The following LRRTM4 variants were observed in gnomAD, a reference collection of about 807,000 sequenced individuals.
The protein encoded by LRRTM4 is leucine rich repeat transmembrane neuronal 4.
In LRRTM4, 25 loss-of-function variants were observed where a neutral mutation model predicts 47.6. The observed-to-expected ratio is 0.53, with a 90% confidence interval of 0.38 to 0.73. LRRTM4 has a LOEUF of 0.73. Among genes scored for constraint, LRRTM4 ranks in the 30% least tolerant of loss-of-function variants. The probability of loss-of-function intolerance (pLI) is 0.00; values close to 1 mark genes in which losing one functional copy is unlikely to be tolerated. For missense variants in LRRTM4, 638 were observed against 713.4 expected, an observed-to-expected ratio of 0.89 and a Z score of 1.20; for synonymous variants, 311 against 269.5, an observed-to-expected ratio of 1.15 and a Z score of -1.51.
intron 3 of LRRTM4, among the ~76,000 whole-genome samples, chr2:77,055,336 T>C (rs1207298944): frequency 6.6e-6 from 1 of 152,228 alleles, no homozygotes; most frequent in Non-Finnish European, 1.5e-5. Flanking sequence ...TTGCTCTTTC[T>C]GGGCACACGT....
intron 3 of LRRTM4, among the ~76,000 whole-genome samples, chr2:77,375,684 G>A (rs75434913): frequency 0.059 from 8,906 of 151,584 alleles, 307 homozygotes; most frequent in African/African-American, 0.084. Context: ...GTGGAATCAC[G>A]CAGTATTTCT....
intron 3 of LRRTM4, among the ~76,000 whole-genome samples, chr2:76,778,774 G>C (rs1228119349): frequency 6.6e-6 from 1 of 150,478 alleles, no homozygotes; most frequent in Admixed American, 6.6e-5. Flanking sequence ...GTTCTGCTCT[G>C]AGTTTAGTTA....
chr2:76,904,906 T>C (rs1228064799), intron 3 of LRRTM4, among the ~76,000 whole-genome samples: 2 of 152,146 alleles, frequency 1.3e-5, no homozygotes, highest in African/African-American at 4.8e-5. Flanking sequence ...GATGGCCAAA[T>C]AGGAACAGCT....
chr2:77,452,056 C>T (rs1676274030), intron 3 of LRRTM4, among the ~76,000 whole-genome samples: 1 of 152,052 alleles, frequency 6.6e-6, no homozygotes, highest in South Asian at 2.1e-4. Flanking sequence ...GAACATGTAG[C>T]TTCTCCTTAT....
intron 3 of LRRTM4, among the ~76,000 whole-genome samples, chr2:77,024,745 T>G (rs1054972755): frequency 6.6e-6 from 1 of 152,120 alleles, no homozygotes; most frequent in Non-Finnish European, 1.5e-5. Context: ...ATAAAACACT[T>G]TCAAATTTAA....
chr2:76,782,409 T>TG (rs111895800), intron 3 of LRRTM4, among the ~76,000 whole-genome samples: 3 of 152,210 alleles, frequency 2.0e-5, no homozygotes, highest in African/African-American at 7.2e-5. Flanking sequence ...GTGCTTTCTT[T>TG]GGGGTCCCAT....
chr2:77,512,822 C>A (rs766745495), intron 3 of LRRTM4, among the ~76,000 whole-genome samples: 2 of 152,120 alleles, frequency 1.3e-5, no homozygotes, highest in Non-Finnish European at 2.9e-5. Flanking sequence ...ACAGACTTCT[C>A]AGCTGGGAGT....
intron 3 of LRRTM4, among the ~76,000 whole-genome samples, chr2:77,058,965 G>A (rs1352980546): frequency 6.6e-6 from 1 of 151,620 alleles, no homozygotes; most frequent in African/African-American, 2.4e-5. Context: ...TTTATTGAGT[G>A]AGTATTGAAA....
At chr2:77,115,271 C>T (rs1671358568) in intron 3 of LRRTM4, among the ~76,000 whole-genome samples, 1 of 152,172 alleles carries the variant, frequency 6.6e-6, no homozygotes, top group Non-Finnish European at 1.5e-5. Context: ...TTATGGTTAT[C>T]TTCCCTTGTT....
At chr2:76,966,118 C>T (rs1676015554) in intron 3 of LRRTM4, among the ~76,000 whole-genome samples, 1 of 151,502 alleles carries the variant, frequency 6.6e-6, no homozygotes, top group Admixed American at 6.6e-5. Context: ...GGCTATAATT[C>T]CCAAACCAAC....
chr2:77,015,324 C>CTTTA (rs373406597), intron 3 of LRRTM4, among the ~76,000 whole-genome samples: 20 of 151,986 alleles, frequency 1.3e-4, no homozygotes, highest in African/African-American at 3.4e-4. Flanking sequence ...GGAAGTTGTA[C>CTTTA]TTTATTTATT....
intron 3 of LRRTM4, among the ~76,000 whole-genome samples, chr2:77,051,493 A>G (rs2103773235): frequency 6.6e-6 from 1 of 152,282 alleles, no homozygotes; most frequent in Non-Finnish European, 1.5e-5. Flanking sequence ...AGCTTTTAGA[A>G]TCAAGAAAAA....
At chr2:76,790,455 C>T (rs1187253238) in intron 3 of LRRTM4, among the ~76,000 whole-genome samples, 2 of 152,150 alleles carry the variant, frequency 1.3e-5, no homozygotes, top group Non-Finnish European at 2.9e-5. Flanking sequence ...ACCTTTCTAG[C>T]AGTATGATCT....
intron 3 of LRRTM4, among the ~76,000 whole-genome samples, chr2:77,359,013 C>G (rs1005151909): frequency 6.6e-6 from 1 of 151,978 alleles, no homozygotes; most frequent in Non-Finnish European, 1.5e-5. Context: ...TATATTAATC[C>G]TTTATTTTCA....
chr2:77,334,020 T>A (rs1185268611), intron 3 of LRRTM4, among the ~76,000 whole-genome samples: 1 of 152,222 alleles, frequency 6.6e-6, no homozygotes, highest in Non-Finnish European at 1.5e-5. Context: ...CTTTAATATT[T>A]AACTGCCCCG....
chr2:76,987,405 G>A (rs1411464831), intron 3 of LRRTM4: 2 of 151,786 alleles, frequency 1.3e-5, no homozygotes, highest in African/African-American at 2.4e-5. Flanking sequence ...GGTAATATTA[G>A]GTGATGTCTA....
At chr2:76,985,397 A>T (rs1225977251) in intron 3 of LRRTM4, among the ~76,000 whole-genome samples, 1 of 152,012 alleles carries the variant, frequency 6.6e-6, no homozygotes, top group Non-Finnish European at 1.5e-5. Context: ...CCAGTGGGAT[A>T]GCATTTCTTT....
intron 3 of LRRTM4, among the ~76,000 whole-genome samples, chr2:77,319,595 A>G (rs1201529055): frequency 5.3e-5 from 8 of 152,144 alleles, no homozygotes; most frequent in African/African-American, 1.9e-4. Flanking sequence ...CCCTTCTCCT[A>G]CATCTTGTAA....
chr2:77,209,495 C>A (rs1436396696), intron 3 of LRRTM4, among the ~76,000 whole-genome samples: 1 of 151,632 alleles, frequency 6.6e-6, no homozygotes, highest in Admixed American at 6.6e-5. Context: ...AATTGCAATT[C>A]TTGGTTGCAG....
Sources: gnomAD v4.1 joint callset for allele counts (sites outside exome capture counted in the v4.1 genomes callset) on GRCh38, gnomAD v4.1.1 for gene constraint, MANE v1.5 for transcripts, NCBI Gene and HGNC (gene_info 2026-07-23, HGNC 2026-07-21) for gene names.